The following OR1F1 variants were observed in gnomAD, a reference collection of about 807,000 sequenced individuals.
OR1F1 encodes the protein olfactory receptor 1F1.
For synonymous variants in OR1F1, 184 were observed against 156.7 expected, an observed-to-expected ratio of 1.17 and a Z score of -1.30; for missense variants, 493 against 376.3, an observed-to-expected ratio of 1.31 and a Z score of -2.57.
chr16:3,197,091 G>A, the OR1F1 span, among the ~76,000 whole-genome samples: 1 of 151,850 alleles, frequency 6.6e-6, no homozygotes, highest in Non-Finnish European at 1.5e-5. Flanking sequence ...GGCCAGGCTA[G>A]TCTCGAACTC....
At chr16:3,190,254 T>C in the OR1F1 span, among the ~76,000 whole-genome samples, 149,174 of 152,246 alleles carry the variant, frequency 0.98, 73,098 homozygotes, top group East Asian at 1. Flanking sequence ...TCTGCTCCCC[T>C]GTCCTGGTTT....
the OR1F1 span, among the ~76,000 whole-genome samples, chr16:3,190,749 T>TAA: frequency 0.28 from 25,678 of 91,798 alleles, 3,561 homozygotes; most frequent in East Asian, 0.34. Flanking sequence ...AGACTCTATC[T>TAA]AAAAAAAAAA....
chr16:3,205,012 A>G lies in OR1F1; in HGVS notation c.766A>G (p.Ile256Val), dbSNP rs200392346. The G allele has an allele frequency of 5.4e-5, 87 of 1,613,824 alleles. No homozygotes were observed. The highest frequency in any genetic ancestry group is 6.8e-5 in the Non-Finnish European group (80 of 1,179,942). The change falls in exon 1 of 1, where the codon ATT becomes GTT. Residue 256 changes from isoleucine (I) to valine (V), a missense_variant. Physicochemically the swap from Ile to Val is conservative, Grantham distance 29. Transcript: ENST00000304646. ...GGTTCTCCTCTTCTACAGCACCATC[A>G]TTGCTGTGTATTTTAACCCTCTGTC...
chr16:3,198,178 A>C, the OR1F1 span, among the ~76,000 whole-genome samples: 1 of 151,600 alleles, frequency 6.6e-6, no homozygotes, highest in Non-Finnish European at 1.5e-5. Context: ...AGACAGAGAG[A>C]GAGATTATAA....
At chr16:3,204,276 C>T (rs566580978) in exon 1 of OR1F1, 78 of 1,611,446 alleles carry the variant, frequency 4.8e-5, no homozygotes, top group African/African-American at 4.5e-4. Context: ...CGAGTGTCTC[C>T]GAGTTCCTCC....
the OR1F1 span, among the ~76,000 whole-genome samples, chr16:3,193,942 T>C: frequency 0.56 from 85,541 of 151,954 alleles, 25,593 homozygotes; most frequent in African/African-American, 0.77. Flanking sequence ...ATGGATAAGG[T>C]ACTGGCCTCC....
chr16:3,195,501 G>A, the OR1F1 span, among the ~76,000 whole-genome samples: 2 of 151,980 alleles, frequency 1.3e-5, no homozygotes, highest in African/African-American at 4.8e-5. Context: ...CTAACATGGT[G>A]AAACCCTGTC....
At chr16:3,193,257 C>A in the OR1F1 span, among the ~76,000 whole-genome samples, 9 of 152,208 alleles carry the variant, frequency 5.9e-5, no homozygotes, top group South Asian at 4.1e-4. Context: ...CCCTGGACCC[C>A]AGGAGGACCT....
At chr16:3,204,371 A>G (rs773673344) in exon 1 of OR1F1, 14 of 1,613,834 alleles carry the variant, frequency 8.7e-6, no homozygotes, top group South Asian at 1.1e-5. Context: ...GTCCTGGGGA[A>G]CCTGCTCATC....
chr16:3,192,679 C>G, the OR1F1 span, among the ~76,000 whole-genome samples: 197 of 152,244 alleles, frequency 1.3e-3, 2 homozygotes, highest in East Asian at 0.027. Flanking sequence ...TGTCTGGCTC[C>G]TTGCTTCCTC....
the OR1F1 span, among the ~76,000 whole-genome samples, chr16:3,198,587 G>C: frequency 6.6e-6 from 1 of 152,164 alleles, no homozygotes; most frequent in Non-Finnish European, 1.5e-5. Flanking sequence ...CAGCTGGCAG[G>C]AGATGAAACA....
chr16:3,194,466 T>A, the OR1F1 span, among the ~76,000 whole-genome samples: 5 of 152,184 alleles, frequency 3.3e-5, no homozygotes, highest in East Asian at 9.6e-4. Flanking sequence ...GAATACAGTT[T>A]GTTTCATTAA....
At chr16:3,197,079 T>C in the OR1F1 span, among the ~76,000 whole-genome samples, 16 of 152,270 alleles carry the variant, frequency 1.1e-4, no homozygotes, top group African/African-American at 3.8e-4. Flanking sequence ...TTTCACCATG[T>C]TGGCCAGGCT....
exon 1 of OR1F1, chr16:3,204,942 G>C: frequency 1.9e-6 from 3 of 1,614,120 alleles, no homozygotes; most frequent in Non-Finnish European, 2.5e-6. Flanking sequence ...CATCCACAAA[G>C]GGAAGGTGGA....
downstream of OR1F1, among the ~76,000 whole-genome samples, chr16:3,205,864 A>G (rs925328389): frequency 1.3e-5 from 2 of 152,220 alleles, no homozygotes; most frequent in African/African-American, 4.8e-5. Flanking sequence ...TTGATTGTAA[A>G]ACATGTGTAT....
the OR1F1 span, among the ~76,000 whole-genome samples, chr16:3,193,356 C>T: frequency 1.3e-5 from 2 of 152,236 alleles, no homozygotes; most frequent in African/African-American, 4.8e-5. Flanking sequence ...CCCTCCGTTG[C>T]TCTCTGACTC....
chr16:3,205,236 A>G (rs749729697), downstream of OR1F1: 16 of 1,314,308 alleles, frequency 1.2e-5, no homozygotes, highest in South Asian at 1.7e-4. Flanking sequence ...TTTTTCACCA[A>G]TTGAGTTTAA....
chr16:3,195,155 T>C, the OR1F1 span, among the ~76,000 whole-genome samples: 1 of 152,072 alleles, frequency 6.6e-6, no homozygotes, highest in African/African-American at 2.4e-5. Context: ...GGACCCAATC[T>C]CAGACCCTGC....
chr16:3,205,712 C>T (rs10468342), downstream of OR1F1, among the ~76,000 whole-genome samples: 2,016 of 152,222 alleles, frequency 0.013, 40 homozygotes, highest in African/African-American at 0.043. Context: ...GAAGATTTCA[C>T]GGACATTTAT....
Sources: allele counts gnomAD v4.1 joint callset (sites outside exome capture counted in the v4.1 genomes callset), GRCh38; gene constraint gnomAD v4.1.1; transcripts MANE v1.5; gene names NCBI Gene and HGNC (gene_info 2026-07-23, HGNC 2026-07-21).